INVS: variants seen among roughly 807,000 people sequenced by gnomAD.
INVS encodes inversin.
Under a neutral mutation model 108.8 loss-of-function variants are expected in INVS, and 86 were observed. The ratio of observed to expected loss-of-function variants is 0.79; its 90% CI spans 0.66 to 0.95. The LOEUF (loss-of-function observed/expected upper bound fraction) is 0.95, where lower values mean the gene tolerates loss of function less well. Among genes scored for constraint, INVS ranks in the 40% least tolerant of loss-of-function variants. INVS has a pLI of 0.00. For missense variants in INVS, 1,169 were observed against 1,297.4 expected, an observed-to-expected ratio of 0.90 and a Z score of 1.52; for synonymous variants, 455 against 473.5, an observed-to-expected ratio of 0.96 and a Z score of 0.51.
Position 100,252,361 on chromosome 9 carries a change from C to T in INVS, c.1157C>T (p.Thr386Ile), listed in dbSNP as rs780632454. 6.2e-7 allele frequency: 1 copy of T among 1,613,844 alleles called. No homozygotes were observed. Among genetic ancestry groups the T allele is most frequent in the Non-Finnish European group, 8.5e-7 (1 of 1,179,754 alleles). Residue 386 changes from threonine to isoleucine, a missense_variant, in exon 9 of 17, where the codon ACT becomes ATT. This residue lies in a region of INVS where 271 missense variants were observed against 363.8 expected (regional missense o/e 0.74). Coordinates refer to ENST00000262457, the MANE Select transcript of INVS (RefSeq NM_014425.5). The stretch of plus-strand genomic sequence containing the variant: ...GAAAATAATGCTCAAGTAGATGCTA[C>T]TGATGTTATGAAACATACTCCACTT... ...LLENNAQVDA[T>I]DVMKHTPLFR... is the part of the protein sequence containing the mutation.
intron 3 of INVS, among the ~76,000 whole-genome samples, chr9:100,127,637 G>A (rs1486218589): frequency 2.0e-5 from 3 of 152,046 alleles, no homozygotes; most frequent in Non-Finnish European, 4.4e-5. Flanking sequence ...AATTAATTAA[G>A]GGGTTAGAAA....
chr9:100,146,721 AGAAAG>A, intron 3 of INVS, among the ~76,000 whole-genome samples: 1 of 152,364 alleles, frequency 6.6e-6, no homozygotes, highest in African/African-American at 2.4e-5. Flanking sequence ...TAAGTGATTT[AGAAAG>A]GAAAGAGAAA....
intron 2 of INVS, among the ~76,000 whole-genome samples, chr9:100,110,456 G>A (rs948790459): frequency 2.6e-5 from 4 of 152,186 alleles, no homozygotes; most frequent in Middle Eastern, 3.4e-3. Flanking sequence ...TTGTACACAC[G>A]TGCACTTTCA....
intron 3 of INVS, among the ~76,000 whole-genome samples, chr9:100,182,234 G>A (rs1829912025): frequency 6.6e-6 from 1 of 152,104 alleles, no homozygotes; most frequent in Admixed American, 6.6e-5. Flanking sequence ...AACACCAAAA[G>A]CAATGGCAAC....
At chr9:100,182,721 C>T (rs1008363398) in intron 3 of INVS, among the ~76,000 whole-genome samples, 8 of 152,066 alleles carry the variant, frequency 5.3e-5, no homozygotes, top group African/African-American at 1.4e-4. Context: ...GACAGTGTGG[C>T]GATTCCTCAA....
intron 10 of INVS, among the ~76,000 whole-genome samples, chr9:100,254,202 T>C (rs1190363752): frequency 6.6e-6 from 1 of 152,200 alleles, no homozygotes; most frequent in Non-Finnish European, 1.5e-5. Context: ...CTGTTGGCTG[T>C]ATAAATGTCT....
intron 3 of INVS, among the ~76,000 whole-genome samples, chr9:100,158,119 A>G (rs1435836215): frequency 6.6e-6 from 1 of 152,124 alleles, no homozygotes; most frequent in African/African-American, 2.4e-5. Context: ...GAAGTTTCCT[A>G]TTTGTAAAGA....
intron 1 of INVS, among the ~76,000 whole-genome samples, chr9:100,100,918 G>GTA (rs1491410554): frequency 1.5e-4 from 2 of 13,166 alleles, no homozygotes; most frequent in Non-Finnish European, 2.3e-4. Context: ...TATATTATAT[G>GTA]TATATATATA....
intron 16 of INVS, 66 bp from the exon 17 acceptor site, chr9:100,300,502 A>G: frequency 1.8e-6 from 2 of 1,113,066 alleles, no homozygotes; most frequent in African/African-American, 1.5e-5. Context: ...CTCAACACCA[A>G]TGAACTATTC....
intron 3 of INVS, among the ~76,000 whole-genome samples, chr9:100,154,266 T>A (rs1443324290): frequency 6.6e-6 from 1 of 150,990 alleles, no homozygotes; most frequent in Non-Finnish European, 1.5e-5. Context: ...TTGGGCTTAG[T>A]GAATCATCCC....
At chr9:100,198,591 C>T (rs35415036) in intron 3 of INVS, among the ~76,000 whole-genome samples, 1,787 of 149,970 alleles carry the variant, frequency 0.012, 21 homozygotes, top group African/African-American at 0.019. Context: ...GAGCCACCGT[C>T]GCCTGGCATT....
chr9:100,232,320 A>G (rs774645976), intron 5 of INVS, among the ~76,000 whole-genome samples: 27 of 151,972 alleles, frequency 1.8e-4, no homozygotes, highest in Non-Finnish European at 2.5e-4. Flanking sequence ...CACGCTGATG[A>G]TAGTTTCTTT....
chr9:100,104,759 C>T (rs1489511357), intron 2 of INVS, 132 bp downstream of exon 2: 3 of 723,550 alleles, frequency 4.1e-6, no homozygotes, highest in Non-Finnish European at 2.4e-6. Context: ...TATTTTCTTC[C>T]AACACATGAA....
Position 100,119,299 on chromosome 9 carries a change from T to G in INVS, c.107-7084T>G, listed in dbSNP as rs531855850. The stretch of plus-strand genomic sequence containing the variant: ...TTAACAAATTATTCTTAGTAGTACC[T>G]TATAGTGGGGATTAATTATGAATTT... On this transcript the variant is annotated intron_variant, in intron 2 of 16. Coordinates refer to ENST00000262457, the MANE Select transcript of INVS (RefSeq NM_014425.5). Among the ~76,000 whole-genome samples the G allele has an allele frequency of 1.4e-3, 208 of 152,364 alleles. No homozygotes were observed. The Middle Eastern group carries it at 0.017, about 12-fold the overall frequency.
chr9:100,288,892 C>G (rs1833529194), intron 13 of INVS, among the ~76,000 whole-genome samples: 1 of 152,166 alleles, frequency 6.6e-6, no homozygotes, highest in Non-Finnish European at 1.5e-5. Context: ...TCCCAAAGGG[C>G]TGGGATTTTA....
chr9:100,217,472 C>A (rs1208971081), intron 3 of INVS, among the ~76,000 whole-genome samples: 1 of 152,122 alleles, frequency 6.6e-6, no homozygotes, highest in South Asian at 2.1e-4. Context: ...AGACGAAAAG[C>A]GTCATTACTA....
chr9:100,145,613 CAGAG>C (rs1249068441), intron 3 of INVS, among the ~76,000 whole-genome samples: 2 of 151,848 alleles, frequency 1.3e-5, no homozygotes, highest in South Asian at 2.1e-4. Context: ...GGTAGAGACA[CAGAG>C]AGAAGGAGTT....
intron 3 of INVS, among the ~76,000 whole-genome samples, chr9:100,216,524 C>G (rs574892664): frequency 2.0e-5 from 3 of 152,200 alleles, no homozygotes; most frequent in Non-Finnish European, 4.4e-5. Context: ...ATAAGTCAGG[C>G]TAAAGCAGGA....
chr9:100,100,962 T>TAC (rs1826946356), intron 1 of INVS, among the ~76,000 whole-genome samples: 2 of 41,958 alleles, frequency 4.8e-5, no homozygotes, highest in African/African-American at 2.1e-4. Context: ...ATATTATATA[T>TAC]ATAATATATA....
Sources: gnomAD v4.1 joint callset for allele counts (sites outside exome capture counted in the v4.1 genomes callset) on GRCh38, gnomAD v4.1.1 for gene constraint, gnomAD v4.1.1 regional missense constraint, MANE v1.5 for transcripts, NCBI Gene and HGNC (gene_info 2026-07-23, HGNC 2026-07-21) for gene names.